ATXN1: variants seen among roughly 807,000 people sequenced by gnomAD.
ATXN1 encodes the protein ataxin 1.
Under a neutral mutation model 56.4 loss-of-function variants are expected in ATXN1, and 8 were observed. The ratio of observed to expected loss-of-function variants is 0.14; its 90% CI spans 0.08 to 0.26. The LOEUF is 0.26. Among genes scored for constraint, ATXN1 ranks in the 10% least tolerant of loss-of-function variants. ATXN1 has a pLI of 1.00. For missense variants in ATXN1, 987 were observed against 1,106.5 expected, an observed-to-expected ratio of 0.89 and a Z score of 1.53; for synonymous variants, 514 against 494.6, an observed-to-expected ratio of 1.04 and a Z score of -0.52.
At chr6:16,385,557 G>A (rs987140374) in intron 6 of ATXN1, among the ~76,000 whole-genome samples, 3 of 152,216 alleles carry the variant, frequency 2.0e-5, no homozygotes, top group Non-Finnish European at 4.4e-5. Context: ...ATTTGCACAA[G>A]AGATATGGGA....
At chr6:16,568,616 G>A (rs1402666507) in intron 4 of ATXN1, among the ~76,000 whole-genome samples, 2 of 151,980 alleles carry the variant, frequency 1.3e-5, no homozygotes, top group African/African-American at 4.8e-5. Flanking sequence ...GAGGAGGTGG[G>A]TGACTTACAA....
chr6:16,379,352 G>A (rs762457620), intron 6 of ATXN1, among the ~76,000 whole-genome samples: 3 of 152,046 alleles, frequency 2.0e-5, no homozygotes, highest in Admixed American at 6.5e-5. Flanking sequence ...CTCACAAATC[G>A]CCACTAAAGA....
Position 16,410,225 on chromosome 6 carries a change from T to A in ATXN1, c.-161+75747A>T, listed in dbSNP as rs564290281. On this transcript the variant is annotated intron_variant, in intron 6 of 7. Coordinates refer to ENST00000436367, the MANE Select transcript of ATXN1 (RefSeq NM_001128164.2). This position sits in a 1 kb window ranked among gnomAD's most constrained non-coding sequence, Gnocchi z 4.6. ...TTCCCCCTTACTATGACTTCCAATT[T>A]TGAAATACTGTGACTCTGCTGTGTA... Among the ~76,000 whole-genome samples the A allele has an allele frequency of 1.4e-4, 22 of 152,278 alleles. No homozygotes were observed. Among genetic ancestry groups the A allele is most frequent in the Middle Eastern group, 3.4e-3 (1 of 294 alleles).
chr6:16,548,686 G>A (rs2113724987), intron 4 of ATXN1, among the ~76,000 whole-genome samples: 1 of 152,210 alleles, frequency 6.6e-6, no homozygotes, highest in South Asian at 2.1e-4. Flanking sequence ...CACTTTGGGA[G>A]GCCGAGGCGG....
intron 2 of ATXN1, among the ~76,000 whole-genome samples, chr6:16,720,940 G>A: frequency 6.6e-6 from 1 of 152,212 alleles, no homozygotes; most frequent in Non-Finnish European, 1.5e-5. Flanking sequence ...ACCCAGGCAA[G>A]AAATGTCTGT....
At chr6:16,748,768 G>A (rs1036416258) in intron 2 of ATXN1, among the ~76,000 whole-genome samples, 1 of 151,632 alleles carries the variant, frequency 6.6e-6, no homozygotes, top group African/African-American at 2.4e-5. Context: ...TCTTGTCTTT[G>A]ATGAAAGTTA....
intron 6 of ATXN1, among the ~76,000 whole-genome samples, chr6:16,418,278 C>T (rs954743869): frequency 1.3e-5 from 2 of 152,202 alleles, no homozygotes; most frequent in Admixed American, 1.3e-4. Flanking sequence ...CAATTAGTCC[C>T]TTCCTCTAGA....
chr6:16,518,237 A>G (rs938367359), intron 5 of ATXN1, among the ~76,000 whole-genome samples: 29 of 152,166 alleles, frequency 1.9e-4, no homozygotes, highest in Non-Finnish European at 7.4e-5. Context: ...CCAGCTTTCT[A>G]TGGGGGAGGA....
At chr6:16,378,570 T>TTTAC (rs1762191178) in intron 6 of ATXN1, among the ~76,000 whole-genome samples, 1 of 145,276 alleles carries the variant, frequency 6.9e-6, no homozygotes, top group South Asian at 2.2e-4. Context: ...TATTTATTTA[T>TTTAC]TTATTTAGAG....
intron 2 of ATXN1, among the ~76,000 whole-genome samples, chr6:16,673,648 ATCAT>A (rs889792033): frequency 1.3e-5 from 2 of 152,100 alleles, no homozygotes; most frequent in African/African-American, 2.4e-5. Context: ...ATTTTTAAAA[ATCAT>A]TCATTCATTC....
intron 2 of ATXN1, among the ~76,000 whole-genome samples, chr6:16,745,823 C>T (rs915877742): frequency 1.2e-4 from 19 of 152,074 alleles, no homozygotes; most frequent in African/African-American, 4.6e-4. Context: ...CAAACTCTGC[C>T]TACTAAAACT....
rs1033508438 is a variant in ATXN1 at position 16,306,743 on chromosome 6, A to G, written c.2034T>C (p.Val678=). 1.2e-6 allele frequency: 2 copies of G among 1,614,080 alleles called. No homozygotes were observed. The highest frequency in any genetic ancestry group is 1.6e-4 in the Middle Eastern group (1 of 6,062). ...LFDLPCSKLS[V]GDVCISLTLK... ...GGGTAAGCGAGATGCAGACATCCCC[A>G]ACTGAGAGTTTGGAACACGGCAAAT... Residue 678 remains valine, a synonymous_variant, in exon 8 of 8, where the codon GTT becomes GTC. Transcript: ENST00000436367. This position sits in a 1 kb window ranked among gnomAD's most constrained non-coding sequence, Gnocchi z 5.2.
intron 6 of ATXN1, among the ~76,000 whole-genome samples, chr6:16,359,128 C>T (rs1350120294): frequency 6.6e-6 from 1 of 152,220 alleles, no homozygotes; most frequent in Admixed American, 6.5e-5. Context: ...GATCTCAGAG[C>T]TGGGTTGGGG....
chr6:16,735,433 C>T (rs1328754821), intron 2 of ATXN1, among the ~76,000 whole-genome samples: 3 of 152,102 alleles, frequency 2.0e-5, no homozygotes, highest in African/African-American at 7.2e-5. Flanking sequence ...AATCAAGTTC[C>T]ACTTTTTTAA....
At chr6:16,705,471 T>C (rs1202294381) in intron 2 of ATXN1, among the ~76,000 whole-genome samples, 2 of 152,202 alleles carry the variant, frequency 1.3e-5, no homozygotes, top group African/African-American at 4.8e-5. Flanking sequence ...CACCTTTCCC[T>C]GAAGGTCCCA....
intron 5 of ATXN1, among the ~76,000 whole-genome samples, chr6:16,497,658 A>C (rs1299143359): frequency 6.6e-6 from 1 of 152,152 alleles, no homozygotes; most frequent in Non-Finnish European, 1.5e-5. Context: ...TGACAGTGCA[A>C]TGGACGAGTC....
At position 16,466,317 on chromosome 6, in the gene ATXN1, C is replaced by CAAAAAA. The variant is rs200261208; in HGVS notation, c.-161+19649_-161+19654dup. ...TGGGTGACAGAGTCAGACCCCATCTCAAAAAAAAAAAAAAAAAAAAAAAAA... is the reference window on the plus strand; with the variant it reads ...TGGGTGACAGAGTCAGACCCCATCTCAAAAAAAAAAAAAAAAAAAAAAAAAAAAAAA... On this transcript the variant is annotated intron_variant, in intron 6 of 7. Transcript: ENST00000436367. 5.1e-4 allele frequency among the ~76,000 whole-genome samples: 41 copies of CAAAAAA among 79,848 alleles called. 1 individual carries two copies. The highest frequency in any genetic ancestry group is 9.9e-4 in the African/African-American group (20 of 20,168). The allele number at this position is 79,848 out of a possible 152,430, so 52.4% of individuals were successfully genotyped here.
intron 2 of ATXN1, among the ~76,000 whole-genome samples, chr6:16,677,148 C>CA (rs111432826): frequency 0.076 from 11,636 of 152,120 alleles, 1,477 homozygotes; most frequent in African/African-American, 0.26. Flanking sequence ...GTCAGGGAGA[C>CA]AAACATGTAA....
intron 3 of ATXN1, among the ~76,000 whole-genome samples, chr6:16,635,829 G>A (rs1763585939): frequency 1.3e-5 from 2 of 151,926 alleles, no homozygotes; most frequent in Non-Finnish European, 2.9e-5. Flanking sequence ...TGTGGGCTGG[G>A]GAGGCAGGCA....
Sources: allele counts gnomAD v4.1 joint callset (sites outside exome capture counted in the v4.1 genomes callset), GRCh38; gene constraint gnomAD v4.1.1; non-coding constraint Gnocchi (gnomAD v3.1); transcripts MANE v1.5; gene names NCBI Gene and HGNC (gene_info 2026-07-23, HGNC 2026-07-21).